Variants in HDAC9 observed in about 807,000 individuals in gnomAD.
HDAC9 encodes histone deacetylase 9.
HDAC9 carries 41 observed loss-of-function variants against 139.4 expected under a neutral mutation model. The observed-to-expected ratio is 0.29, with a 90% CI of 0.23 to 0.38. HDAC9 has a LOEUF of 0.38. Among genes scored for constraint, HDAC9 ranks in the 10% least tolerant of loss-of-function variants. The pLI is 1.00. For missense variants in HDAC9, 1,147 were observed against 1,297.0 expected (o/e 0.88, Z 1.78); for synonymous variants, 517 against 476.2 (o/e 1.09, Z -1.12).
At chr7:18,852,846 C>CTT (rs200653040) in intron 21 of HDAC9, among the ~76,000 whole-genome samples, 206 of 144,772 alleles carry the variant, frequency 1.4e-3, no homozygotes, top group African/African-American at 4.4e-3. Flanking sequence ...AGTAAAGGAG[C>CTT]TTTTTTTTTT....
Position 18,606,892 on chromosome 7 carries a change from G to T in HDAC9, c.664+12863G>T, listed in dbSNP as rs953091605. Among the ~76,000 whole-genome samples the T allele has an allele frequency of 4.6e-5, 7 of 152,056 alleles. No individual in the cohort carries two copies. In the East Asian group the frequency reaches 1.3e-3, roughly 29 times the overall value. On this transcript the variant is annotated intron_variant, in intron 6 of 25. Transcript: ENST00000686413. ...TTTAGTAGTGCTTTCTGGTGGCAGGGAGTTAGTGGTATACAAGGTACTTGT... is the reference window on the plus strand; with the variant it reads ...TTTAGTAGTGCTTTCTGGTGGCAGGTAGTTAGTGGTATACAAGGTACTTGT...
rs1839187074 is a variant in HDAC9 at position 18,618,178 on chromosome 7, T to G, written c.665-11172T>G. 2.0e-5 allele frequency among the ~76,000 whole-genome samples: 3 copies of G among 152,158 alleles called. No homozygotes were observed. The South Asian group carries it at 6.2e-4, about 32-fold the overall frequency. On this transcript the variant is annotated intron_variant, in intron 6 of 25. Transcript: ENST00000686413. Reference sequence around the variant, plus strand: ...ATGGCATTTCAAATTAGACAGTGATTTACTATACTTATTGTAGTCAATGTA... The same window carrying G: ...ATGGCATTTCAAATTAGACAGTGATGTACTATACTTATTGTAGTCAATGTA...
At chr7:18,735,249 A>C (rs538049029) in intron 13 of HDAC9, among the ~76,000 whole-genome samples, 6 of 152,212 alleles carry the variant, frequency 3.9e-5, no homozygotes, top group South Asian at 2.1e-4. Context: ...ATTAGATCCC[A>C]TTCGTCTATT....
intron 13 of HDAC9, among the ~76,000 whole-genome samples, chr7:18,735,920 T>C (rs896119279): frequency 2.0e-5 from 3 of 152,200 alleles, no homozygotes; most frequent in Non-Finnish European, 2.9e-5. Context: ...TGAGCAGTGG[T>C]TTGTAGCTCT....
intron 17 of HDAC9, among the ~76,000 whole-genome samples, chr7:18,799,067 A>G (rs1358107300): frequency 6.6e-6 from 1 of 151,498 alleles, no homozygotes; most frequent in Non-Finnish European, 1.5e-5. Context: ...ACACACACAC[A>G]CACACACACA....
At chr7:18,892,927 A>T (rs915368686) in intron 22 of HDAC9, among the ~76,000 whole-genome samples, 8 of 143,466 alleles carry the variant, frequency 5.6e-5, no homozygotes, top group African/African-American at 2.0e-4. Context: ...TTTATGTCAG[A>T]TCATTTTTTT....
chr7:18,634,231 T>G (rs910232514), intron 7 of HDAC9, among the ~76,000 whole-genome samples: 2 of 152,036 alleles, frequency 1.3e-5, no homozygotes, highest in Admixed American at 1.3e-4. Flanking sequence ...CTGAACCTCA[T>G]GGGTTAACGA....
intron 1 of HDAC9, among the ~76,000 whole-genome samples, chr7:18,383,140 T>C (rs1005599300): frequency 2.6e-5 from 4 of 152,166 alleles, no homozygotes; most frequent in African/African-American, 9.7e-5. Context: ...AGAACCACCA[T>C]ACATAATTTG....
intron 1 of HDAC9, among the ~76,000 whole-genome samples, chr7:18,477,437 C>T (rs1029774062): frequency 3.3e-5 from 5 of 152,048 alleles, no homozygotes; most frequent in African/African-American, 1.2e-4. Context: ...AACAAATACA[C>T]ACAGGTGTAT....
chr7:18,651,298 G>A (rs533250219), intron 11 of HDAC9, among the ~76,000 whole-genome samples: 10 of 152,180 alleles, frequency 6.6e-5, no homozygotes, highest in Admixed American at 5.9e-4. Context: ...ATACTGAAGC[G>A]ATGGTCCTTA....
intron 13 of HDAC9, among the ~76,000 whole-genome samples, chr7:18,747,906 G>A (rs1788120338): frequency 6.6e-6 from 1 of 152,116 alleles, no homozygotes; most frequent in Admixed American, 6.5e-5. Flanking sequence ...AGAATAAAAT[G>A]TACTTTATTA....
intron 2 of HDAC9, among the ~76,000 whole-genome samples, chr7:18,269,421 C>T (rs1455907214): frequency 2.0e-5 from 3 of 151,956 alleles, no homozygotes; most frequent in African/African-American, 7.3e-5. Context: ...CTGAGAAAAT[C>T]CTAAAGTCTA....
intron 7 of HDAC9, among the ~76,000 whole-genome samples, chr7:18,632,460 T>G (rs1782635529): frequency 6.6e-6 from 1 of 152,038 alleles, no homozygotes; most frequent in African/African-American, 2.4e-5. Context: ...AACTGGGTGT[T>G]CCCTTTCTCT....
intron 7 of HDAC9, among the ~76,000 whole-genome samples, chr7:18,631,696 A>G (rs1326685497): frequency 6.6e-6 from 1 of 151,744 alleles, no homozygotes; most frequent in East Asian, 1.9e-4. Flanking sequence ...TCTGCCCCCT[A>G]CAAAAAGTCC....
chr7:18,776,945 C>T (rs768462271), intron 16 of HDAC9, among the ~76,000 whole-genome samples: 1 of 151,976 alleles, frequency 6.6e-6, no homozygotes, highest in Non-Finnish European at 1.5e-5. Context: ...CTATTCAGAA[C>T]ACACAGAGCT....
chr7:18,429,269 T>G (rs1790412430), intron 1 of HDAC9: 1 of 152,208 alleles, frequency 6.6e-6, no homozygotes, highest in South Asian at 2.1e-4. Context: ...TTCATACTAG[T>G]TGAATGAAAA....
At chr7:18,951,198 G>A (rs1336121314) in intron 23 of HDAC9, among the ~76,000 whole-genome samples, 1 of 151,884 alleles carries the variant, frequency 6.6e-6, no homozygotes, top group Non-Finnish European at 1.5e-5. Context: ...GATGATAATG[G>A]CCACAATTTT....
chr7:18,708,872 C>A (rs1784132178), intron 12 of HDAC9, among the ~76,000 whole-genome samples: 1 of 152,046 alleles, frequency 6.6e-6, no homozygotes, highest in African/African-American at 2.4e-5. Context: ...GCAAAATCCT[C>A]TGTGTAGATT....
At chr7:18,194,017 G>A (rs762908841) in intron 2 of HDAC9, among the ~76,000 whole-genome samples, 33 of 152,140 alleles carry the variant, frequency 2.2e-4, no homozygotes, top group East Asian at 3.8e-4. Context: ...CAAATGGCAC[G>A]ATGAGCCTGA....
Sources: gnomAD v4.1 joint callset for allele counts (sites outside exome capture counted in the v4.1 genomes callset) on GRCh38, gnomAD v4.1.1 for gene constraint, MANE v1.5 for transcripts, NCBI Gene and HGNC (gene_info 2026-07-23, HGNC 2026-07-21) for gene names.